WASHC2C: variants seen among roughly 807,000 people sequenced by gnomAD.
The protein encoded by WASHC2C is Vaccinia Penetration Factor.
A neutral mutation model predicts 142.2 loss-of-function variants in WASHC2C; 73 were observed. The ratio of observed to expected loss-of-function variants is 0.51; its 90% CI spans 0.43 to 0.62. WASHC2C has a LOEUF of 0.62. Ranked by LOEUF, WASHC2C falls within the 20% of genes least tolerant of loss-of-function variation. The probability of loss-of-function intolerance (pLI) is 0.00; values close to 1 mark genes in which losing one functional copy is unlikely to be tolerated. For missense variants in WASHC2C, 969 were observed against 1,531.7 expected (o/e 0.63, Z 6.13); for synonymous variants, 337 against 565.5 (o/e 0.60, Z 5.73).
chr10:45,771,394 C>T (rs1275905713), intron 20 of WASHC2C: 12 of 920,566 alleles, frequency 1.3e-5, no homozygotes, highest in Non-Finnish European at 1.6e-5. Context: ...AAGGCCTTTC[C>T]TAACTTTAAA....
intron 8 of WASHC2C, among the ~76,000 whole-genome samples, chr10:45,747,883 C>G (rs1231651225): frequency 1.0e-4 from 15 of 149,128 alleles, no homozygotes; most frequent in African/African-American, 3.3e-4. Flanking sequence ...CCACGCCCAG[C>G]CAATATTTTC....
intron 3 of WASHC2C, among the ~76,000 whole-genome samples, chr10:45,733,526 T>C: frequency 6.6e-6 from 1 of 152,154 alleles, no homozygotes; most frequent in Admixed American, 6.5e-5. Context: ...ACAAAACACA[T>C]GAAGCTGTGA....
intron 11 of WASHC2C, among the ~76,000 whole-genome samples, 162 bp from the exon 12 acceptor site, chr10:45,752,426 C>G (rs1157086225): frequency 6.6e-6 from 1 of 152,222 alleles, no homozygotes; most frequent in African/African-American, 2.4e-5. Flanking sequence ...GTGGACTGTG[C>G]CAGGGGTTTA....
At chr10:45,783,681 G>A (rs1276354047) in intron 23 of WASHC2C, among the ~76,000 whole-genome samples, 4 of 152,132 alleles carry the variant, frequency 2.6e-5, no homozygotes, top group Non-Finnish European at 4.4e-5. Flanking sequence ...GGCTGGTCTC[G>A]AACTCCTGGC....
At chr10:45,770,844 A>G (rs1242250159) in intron 20 of WASHC2C, among the ~76,000 whole-genome samples, 2 of 152,178 alleles carry the variant, frequency 1.3e-5, no homozygotes, top group African/African-American at 4.8e-5. Flanking sequence ...TTGTTAAACA[A>G]AAATAAAAAC....
chr10:45,758,025 G>A (rs2054542190), intron 16 of WASHC2C, among the ~76,000 whole-genome samples: 2 of 152,148 alleles, frequency 1.3e-5, no homozygotes, highest in Admixed American at 1.3e-4. Flanking sequence ...TGGTTGTCAT[G>A]TCTCTTTGGT....
chr10:45,784,252 G>GTATATATATATATATA (rs71225139), intron 23 of WASHC2C, among the ~76,000 whole-genome samples: 5 of 40,716 alleles, frequency 1.2e-4, no homozygotes, highest in Non-Finnish European at 2.0e-4. Context: ...GTGTGTGTGT[G>GTATATATATATATATA]TATATATATA....
intron 3 of WASHC2C, among the ~76,000 whole-genome samples, chr10:45,731,793 CTTTT>C (rs782728565): frequency 9.1e-6 from 1 of 109,850 alleles, no homozygotes; most frequent in Non-Finnish European, 1.8e-5. Flanking sequence ...AGTGATCTGG[CTTTT>C]TTTTTTTTTT....
intron 26 of WASHC2C, 105 bp downstream of exon 26, chr10:45,785,736 G>C: frequency 6.2e-7 from 1 of 1,601,002 alleles, no homozygotes; most frequent in Non-Finnish European, 8.5e-7. Context: ...CATTAAGGAG[G>C]AAACAGCAAC....
Position 45,789,101 on chromosome 10 carries a change from T to A in WASHC2C, c.3318T>A (p.Gly1106=), listed in dbSNP as rs1222955042. Residue 1106 remains glycine (G), a synonymous_variant, in exon 29 of 31, where the codon GGT becomes GGA. Coordinates refer to ENST00000623400, the MANE Select transcript of WASHC2C (RefSeq NM_001330074.2). ...LAAAAAPWEG[G]PVPGVDTSPF... is the part of the protein sequence containing the mutation. ...CTGCCGCTGCACCTTGGGAAGGTGGTCCTGTGCCTGGAGTGGACACAAGCC... is the reference window on the plus strand; with the variant it reads ...CTGCCGCTGCACCTTGGGAAGGTGGACCTGTGCCTGGAGTGGACACAAGCC... 2 of 1,611,926 alleles carry A rather than the reference T, an allele frequency of 1.2e-6. No individual in the cohort carries two copies. The highest frequency in any genetic ancestry group is 2.7e-5 in the African/African-American group (2 of 74,850).
At chr10:45,744,311 G>A (rs1480597193) in intron 6 of WASHC2C, among the ~76,000 whole-genome samples, 1 of 147,546 alleles carries the variant, frequency 6.8e-6, no homozygotes, top group South Asian at 2.2e-4. Flanking sequence ...CTCTGTGTGT[G>A]TTTTCTAAGA....
intron 18 of WASHC2C, among the ~76,000 whole-genome samples, chr10:45,763,852 C>T (rs1167810727): frequency 5.9e-5 from 9 of 152,210 alleles, no homozygotes; most frequent in African/African-American, 1.9e-4. Context: ...CAGGTACGCA[C>T]CACCACTCCC....
Position 45,792,392 on chromosome 10 carries a change from G to A in WASHC2C, c.4018G>A (p.Gly1340Ser). ...TGATGATCCCCTGAATGCCTTTGGA[G>A]GCCAGTAGAGCACACAGGGTATCCA... The part of the protein sequence containing the change: ...IFDDPLNAFG[G>S]Q Residue 1340 changes from glycine (G) to serine (S), a missense_variant, in exon 31 of 31, where the codon GGC (glycine) becomes AGC (serine). Physicochemically the swap from Gly to Ser is moderately conservative, Grantham distance 56. Coordinates refer to ENST00000623400, the MANE Select transcript of WASHC2C (RefSeq NM_001330074.2). The A allele has an allele frequency of 1.3e-6, 2 of 1,564,834 alleles. 1 individual carries two copies. Among genetic ancestry groups the A allele is most frequent in the Non-Finnish European group, 1.7e-6 (2 of 1,146,584 alleles).
In WASHC2C at chr10:45,731,290, G is replaced by A. The variant is rs1449054730; in HGVS notation, c.291+2264G>A. Among the ~76,000 whole-genome samples the A allele has an allele frequency of 6.1e-5, 8 of 130,856 alleles. No homozygotes were observed. The South Asian group carries it at 9.9e-4, about 16-fold the overall frequency. The allele number at this position is 130,856 out of a possible 152,430, so 85.8% of individuals were successfully genotyped here. A position where few individuals can be genotyped will look rare whatever the true frequency, so the allele number is the denominator to read the frequency against. ...GGCTGGAGTGCAGTGACACCATCTC[G>A]GCTCACTGCAACATCCGCCTCCCGT... is the stretch of plus-strand genomic sequence containing the variant. On this transcript the variant is annotated intron_variant, in intron 3 of 30. Transcript: ENST00000623400.
chr10:45,748,107 A>G (rs2053074147), intron 8 of WASHC2C, among the ~76,000 whole-genome samples: 1 of 127,276 alleles, frequency 7.9e-6, no homozygotes, highest in Admixed American at 8.3e-5. Context: ...TTTTTCACAA[A>G]AATGTTTAAC....
At chr10:45,727,098 C>T (rs915765896), upstream of WASHC2C, 1 of 1,372,124 alleles carries the variant, frequency 7.3e-7, no homozygotes, top group African/African-American at 1.5e-5. Context: ...CTTCCTCCGC[C>T]CCAACCTAGG....
intron 5 of WASHC2C, among the ~76,000 whole-genome samples, chr10:45,741,505 C>A (rs1554867950): frequency 6.6e-6 from 1 of 151,754 alleles, no homozygotes. Context: ...GTACACTTTT[C>A]TTTTGTAGGA....
intron 3 of WASHC2C, among the ~76,000 whole-genome samples, chr10:45,732,632 T>C (rs1257896370): frequency 6.6e-6 from 1 of 151,906 alleles, no homozygotes; most frequent in African/African-American, 2.4e-5. Context: ...AACCTGTTTA[T>C]GCCCAAGGTT....
At chr10:45,747,259 G>C (rs2052948418) in intron 8 of WASHC2C, among the ~76,000 whole-genome samples, 2 of 152,028 alleles carry the variant, frequency 1.3e-5, no homozygotes, top group South Asian at 4.1e-4. Context: ...TTCTGCCTCA[G>C]CCTCCCGAGT....
Sources: allele counts gnomAD v4.1 joint callset (sites outside exome capture counted in the v4.1 genomes callset), GRCh38; gene constraint gnomAD v4.1.1; transcripts MANE v1.5; gene names NCBI Gene and HGNC (gene_info 2026-07-23, HGNC 2026-07-21).